Variants in MAP4K5 observed in about 807,000 individuals in gnomAD.
MAP4K5 encodes the protein mitogen-activated protein kinase kinase kinase kinase 5.
A neutral mutation model predicts 135.6 loss-of-function variants in MAP4K5; 82 were observed. The ratio of observed to expected loss-of-function variants is 0.60; its 90% CI spans 0.51 to 0.73. MAP4K5 has a LOEUF of 0.73. Ranked by LOEUF, MAP4K5 falls within the 30% of genes least tolerant of loss-of-function variation. The pLI is 0.00. For synonymous variants in MAP4K5, 347 were observed against 335.0 expected (o/e 1.04, Z -0.39); for missense variants, 907 against 1,010.9 (o/e 0.90, Z 1.39).
intron 14 of MAP4K5, among the ~76,000 whole-genome samples, chr14:50,452,151 T>C (rs2036503724): frequency 2.0e-5 from 3 of 152,160 alleles, no homozygotes; most frequent in South Asian, 2.1e-4. Flanking sequence ...GTAGGTTAGG[T>C]ATATTAAATG....
At chr14:50,443,176 T>C (rs1242584034) in intron 20 of MAP4K5, among the ~76,000 whole-genome samples, 6 of 152,208 alleles carry the variant, frequency 3.9e-5, no homozygotes, top group Non-Finnish European at 5.9e-5. Flanking sequence ...ACAATTGCAG[T>C]ATAACTCTTT....
intron 3 of MAP4K5, among the ~76,000 whole-genome samples, chr14:50,502,819 GATA>G (rs2037735074): frequency 6.6e-6 from 1 of 152,018 alleles, no homozygotes; most frequent in Non-Finnish European, 1.5e-5. Context: ...CAAATCTGTG[GATA>G]AGAGACTGAA....
rs1010500424 is a variant in MAP4K5 at position 50,437,789 on chromosome 14, C to T, written c.1823+105G>A. 4 of 795,814 alleles carry T rather than the reference C, an allele frequency of 5.0e-6. No homozygotes were observed. The African/African-American group carries it at 5.2e-5, about 10-fold the overall frequency. 49.3% of individuals were successfully genotyped at this position (795,814 alleles called of 1,614,324 possible). A position where few individuals can be genotyped will look rare whatever the true frequency, so the allele number is the denominator to read the frequency against. On this transcript the variant is annotated intron_variant, in intron 25 of 32. Transcript: ENST00000682126. ...TATAATACACTTTAGTTTAAACTAC[C>T]TTTGAAAATTAAGACATAGTTTTTT...
chr14:50,549,805 TC>T (rs1240789432), intron 1 of MAP4K5, among the ~76,000 whole-genome samples: 1 of 152,164 alleles, frequency 6.6e-6, no homozygotes, highest in Non-Finnish European at 1.5e-5. Flanking sequence ...ACATGCACTG[TC>T]CCAGAATGGC....
At chr14:50,471,525 T>C (rs557523570) in intron 9 of MAP4K5, among the ~76,000 whole-genome samples, 2 of 152,064 alleles carry the variant, frequency 1.3e-5, no homozygotes, top group East Asian at 1.9e-4. Context: ...TGGTAAATCC[T>C]TGAGACTCTG....
chr14:50,485,432 T>C, intron 5 of MAP4K5, 146 bp downstream of exon 5: 1 of 546,584 alleles, frequency 1.8e-6, no homozygotes, highest in Middle Eastern at 3.1e-4. Flanking sequence ...AAAAAATAAA[T>C]ACAGATTTCT....
At chr14:50,492,133 T>C (rs530768220) in intron 3 of MAP4K5, among the ~76,000 whole-genome samples, 2 of 152,306 alleles carry the variant, frequency 1.3e-5, no homozygotes, top group Admixed American at 6.5e-5. Flanking sequence ...TTGAAATTAT[T>C]AACGTGATGC....
chr14:50,475,506 T>C (rs2037076123), intron 8 of MAP4K5, among the ~76,000 whole-genome samples: 1 of 152,180 alleles, frequency 6.6e-6, no homozygotes, highest in South Asian at 2.1e-4. Context: ...AAGGATAGCA[T>C]TCTGGTACTA....
At chr14:50,527,078 A>G (rs530333603) in intron 2 of MAP4K5, among the ~76,000 whole-genome samples, 6 of 152,200 alleles carry the variant, frequency 3.9e-5, no homozygotes, top group Non-Finnish European at 8.8e-5. Flanking sequence ...GTGGTGGCTC[A>G]CCCTGTAATT....
intron 14 of MAP4K5, among the ~76,000 whole-genome samples, chr14:50,452,938 C>T (rs2036523025): frequency 6.6e-6 from 1 of 152,160 alleles, no homozygotes; most frequent in Non-Finnish European, 1.5e-5. Context: ...CTTTAACCTG[C>T]AACAACAGTA....
At chr14:50,539,887 A>G (rs1013721989) in intron 2 of MAP4K5, among the ~76,000 whole-genome samples, 2 of 152,244 alleles carry the variant, frequency 1.3e-5, no homozygotes, top group African/African-American at 4.8e-5. Flanking sequence ...CATACTGTAG[A>G]AGAAAGAATC....
At chr14:50,554,881 A>G (rs1328244605) in intron 1 of MAP4K5, among the ~76,000 whole-genome samples, 2 of 152,158 alleles carry the variant, frequency 1.3e-5, no homozygotes, top group African/African-American at 4.8e-5. Context: ...TTTTCTATAC[A>G]GTCCTGGATT....
rs1000735231 is a variant in MAP4K5, at chr14:50,456,677, T to C, written c.937-83A>G. 57 of 775,160 alleles carry C rather than the reference T, an allele frequency of 7.4e-5. No individual in the cohort carries two copies. In the Admixed American group the frequency reaches 1.4e-3, roughly 19 times the overall value. The allele number at this position is 775,160 out of a possible 1,614,324, so 48.0% of individuals were successfully genotyped here. On this transcript the variant is annotated intron_variant, in intron 13 of 32. Transcript: ENST00000682126. ...GTCAAACTTTCTTATCATTTATTGA[T>C]AAATATGAATATCTACTAGTAAATT...
chr14:50,493,261 G>A (rs1002360993), intron 3 of MAP4K5, among the ~76,000 whole-genome samples: 4 of 151,960 alleles, frequency 2.6e-5, no homozygotes, highest in African/African-American at 4.8e-5. Flanking sequence ...TGCCATATCC[G>A]GCTAATATTT....
chr14:50,529,429 G>C (rs1445217559), intron 2 of MAP4K5, among the ~76,000 whole-genome samples: 1 of 152,050 alleles, frequency 6.6e-6, no homozygotes, highest in Non-Finnish European at 1.5e-5. Context: ...AATACATAGA[G>C]TATTAAATGC....
intron 1 of MAP4K5, among the ~76,000 whole-genome samples, chr14:50,553,757 A>T (rs1250732297): frequency 6.6e-6 from 1 of 152,222 alleles, no homozygotes; most frequent in Non-Finnish European, 1.5e-5. Flanking sequence ...TACACCATGG[A>T]ATATTACTCA....
At chr14:50,556,532 TA>T (rs1220571123) in intron 1 of MAP4K5, among the ~76,000 whole-genome samples, 3 of 152,170 alleles carry the variant, frequency 2.0e-5, no homozygotes, top group Non-Finnish European at 2.9e-5. Flanking sequence ...CCAGTGGCTT[TA>T]GTATACCCAA....
At chr14:50,502,493 G>A (rs762731922) in intron 3 of MAP4K5, among the ~76,000 whole-genome samples, 1 of 151,988 alleles carries the variant, frequency 6.6e-6, no homozygotes, top group South Asian at 2.1e-4. Flanking sequence ...CCATAAATAT[G>A]AAGACGTGGC....
chr14:50,451,298 T>C (rs893964004), intron 14 of MAP4K5, among the ~76,000 whole-genome samples: 3 of 151,568 alleles, frequency 2.0e-5, no homozygotes, highest in South Asian at 4.2e-4. Flanking sequence ...AAGAAGAGTG[T>C]AGTGGGAGTA....
Sources: allele counts gnomAD v4.1 joint callset (sites outside exome capture counted in the v4.1 genomes callset), GRCh38; gene constraint gnomAD v4.1.1; transcripts MANE v1.5; gene names NCBI Gene and HGNC (gene_info 2026-07-23, HGNC 2026-07-21).